ACER2: variants seen among roughly 807,000 people sequenced by gnomAD.
The protein encoded by ACER2 is alkCDase 2.
ACER2 carries 26 observed loss-of-function variants against 34.7 expected under a neutral mutation model. That is an observed-to-expected ratio of 0.75 (90% confidence interval 0.55 to 1.04). The LOEUF is 1.04. Among genes scored for constraint, ACER2 ranks in the 50% least tolerant of loss-of-function variants. The probability of loss-of-function intolerance (pLI) is 0.00; values close to 1 mark genes in which losing one functional copy is unlikely to be tolerated. For synonymous variants in ACER2, 138 were observed against 132.1 expected (o/e 1.04, Z -0.31); for missense variants, 352 against 340.8 (o/e 1.03, Z -0.26).
At chr9:19,420,337 C>T (rs1830366551) in intron 1 of ACER2, among the ~76,000 whole-genome samples, 1 of 152,174 alleles carries the variant, frequency 6.6e-6, no homozygotes. Context: ...AGGACCCCTC[C>T]CACCCCATCC....
At chr9:19,419,377 G>C (rs1339381343) in intron 1 of ACER2, among the ~76,000 whole-genome samples, 4 of 151,874 alleles carry the variant, frequency 2.6e-5, no homozygotes. Context: ...ATACCACCTG[G>C]GACGTCTCAG....
Position 19,429,229 on chromosome 9 carries a change from A to G in ACER2, c.365+4388A>G, listed in dbSNP as rs1286044268. 2.0e-5 allele frequency among the ~76,000 whole-genome samples: 3 copies of G among 152,242 alleles called. No individual in the cohort carries two copies. The East Asian group carries it at 5.8e-4, about 29-fold the overall frequency. ...TGCCTAAAATGTCCTGAGACTCTTTAGGACATATACTGAATTGCTGATGGT... is the reference window on the plus strand; with the variant it reads ...TGCCTAAAATGTCCTGAGACTCTTTGGGACATATACTGAATTGCTGATGGT... On this transcript the variant is annotated intron_variant, in intron 3 of 5. Transcript: ENST00000340967.
In ACER2 at chr9:19,441,543, C is replaced by G. The variant is rs1002525880; in HGVS notation, c.504-4738C>G. ...AGCCCCAGCCCCTTCCTTATTTATGCCATCCCTTTTTCTGGCCCTCTTGCT... is the reference window on the plus strand; with the variant it reads ...AGCCCCAGCCCCTTCCTTATTTATGGCATCCCTTTTTCTGGCCCTCTTGCT... On this transcript the variant is annotated intron_variant, in intron 4 of 5. Coordinates refer to ENST00000340967, the MANE Select transcript of ACER2 (RefSeq NM_001010887.3). Among the ~76,000 whole-genome samples the G allele has an allele frequency of 3.9e-5, 6 of 152,252 alleles. No homozygotes were observed. In the East Asian group the frequency reaches 1.2e-3, roughly 29 times the overall value.
At position 19,409,369 on chromosome 9, in the gene ACER2, C is replaced by T. The variant is rs149897724; in HGVS notation, c.108+177C>T. Among the ~76,000 whole-genome samples, 11 of 152,350 alleles carry T rather than the reference C, an allele frequency of 7.2e-5. No individual in the cohort carries two copies. In the East Asian group the frequency reaches 2.1e-3, roughly 29 times the overall value. ...CTCCTTTCAGTTCTCCATCTGTCCTCCTCTCCTGTCCCCATTCCCGACAGC... is the reference window on the plus strand; with the variant it reads ...CTCCTTTCAGTTCTCCATCTGTCCTTCTCTCCTGTCCCCATTCCCGACAGC... On this transcript the variant is annotated intron_variant, in intron 1 of 5. Transcript: ENST00000340967.
rs1311733069 is a variant in ACER2 at position 19,451,049 on chromosome 9, T to C, written c.*413T>C. On this transcript the variant is annotated 3_prime_UTR_variant, in exon 6 of 6. Transcript: ENST00000340967. ...AAAGTGTCTATTCCTTTCCCAAAGA[T>C]GGAAAATGGAGGGCTTAGGGACACT... is the stretch of plus-strand genomic sequence containing the variant. 1 of 154,664 alleles carries C rather than the reference T, an allele frequency of 6.5e-6. No homozygotes were observed. Among genetic ancestry groups the C allele is most frequent in the Non-Finnish European group, 1.4e-5 (1 of 69,500 alleles). 9.6% of individuals were successfully genotyped at this position (154,664 alleles called of 1,614,324 possible). A position where few individuals can be genotyped will look rare whatever the true frequency, so the allele number is the denominator to read the frequency against.
intron 4 of ACER2, among the ~76,000 whole-genome samples, chr9:19,437,619 C>T (rs183625779): frequency 5.9e-5 from 9 of 152,272 alleles, no homozygotes; most frequent in Admixed American, 5.9e-4. Flanking sequence ...TTTTCTTCCT[C>T]TGTTTCCTTC....
chr9:19,441,251 A>G (rs560489476), intron 4 of ACER2, among the ~76,000 whole-genome samples: 27 of 152,108 alleles, frequency 1.8e-4, no homozygotes, highest in South Asian at 6.2e-4. Flanking sequence ...GGGTTTCACC[A>G]TGTTAGCCAG....
At chr9:19,427,956 A>G (rs907619024) in intron 3 of ACER2, among the ~76,000 whole-genome samples, 2 of 150,814 alleles carry the variant, frequency 1.3e-5, no homozygotes, top group Non-Finnish European at 3.0e-5. Context: ...GTGAGCCATC[A>G]TGCCCTTCCT....
chr9:19,424,219 A>C, intron 2 of ACER2: 1 of 407,974 alleles, frequency 2.5e-6, no homozygotes, highest in Non-Finnish European at 3.3e-6. Flanking sequence ...ATGCCAGTGC[A>C]ATTTTCTGAA....
intron 1 of ACER2, among the ~76,000 whole-genome samples, chr9:19,412,985 C>T (rs1038031436): frequency 7.2e-5 from 11 of 152,158 alleles, no homozygotes; most frequent in South Asian, 4.1e-4. Context: ...GATGTACTTT[C>T]GCAAGCACTA....
At chr9:19,447,240 A>C (rs1831402587) in intron 5 of ACER2, among the ~76,000 whole-genome samples, 1 of 152,182 alleles carries the variant, frequency 6.6e-6, no homozygotes, top group Non-Finnish European at 1.5e-5. Flanking sequence ...CCAGAGAGGA[A>C]TTCTAGTGGT....
chr9:19,442,477 AG>A (rs1831186200), intron 4 of ACER2, among the ~76,000 whole-genome samples: 1 of 152,234 alleles, frequency 6.6e-6, no homozygotes, highest in African/African-American at 2.4e-5. Flanking sequence ...AAGCAGAGAA[AG>A]GTAACAGGCT....
intron 1 of ACER2, among the ~76,000 whole-genome samples, chr9:19,416,599 T>C (rs199928085): frequency 4.7e-5 from 7 of 150,436 alleles, no homozygotes; most frequent in Non-Finnish European, 8.9e-5. Context: ...GATCTCGGCT[T>C]ACTGCAACCT....
At chr9:19,428,870 A>G (rs1004797861) in intron 3 of ACER2, among the ~76,000 whole-genome samples, 9 of 140,160 alleles carry the variant, frequency 6.4e-5, no homozygotes, top group Non-Finnish European at 1.3e-4. Context: ...GCTGACTACA[A>G]CCTCTGCCTC....
At chr9:19,446,239 G>C in intron 4 of ACER2, 42 bp from the exon 5 acceptor site, 1 of 1,614,132 alleles carries the variant, frequency 6.2e-7, no homozygotes, top group South Asian at 1.1e-5. Context: ...AGGAGGTGGA[G>C]ACAAGGTCTG....
chr9:19,440,741 G>A (rs1831128020), intron 4 of ACER2, among the ~76,000 whole-genome samples: 1 of 152,116 alleles, frequency 6.6e-6, no homozygotes, highest in Non-Finnish European at 1.5e-5. Context: ...TACTTCTGTG[G>A]CTTTAATTCC....
At chr9:19,418,375 C>G (rs2132465211) in intron 1 of ACER2, among the ~76,000 whole-genome samples, 1 of 152,270 alleles carries the variant, frequency 6.6e-6, no homozygotes, top group Non-Finnish European at 1.5e-5. Flanking sequence ...ATAAATCATT[C>G]TACTATAAAG....
chr9:19,446,465 A>G lies in ACER2; in HGVS notation c.641+47A>G, dbSNP rs745662434. The G allele has an allele frequency of 2.5e-6, 4 of 1,612,284 alleles. No individual in the cohort carries two copies. In the Admixed American group the frequency reaches 6.7e-5, roughly 27 times the overall value. ...GGTGGCCGGGGACAGGTGTGTTTGCACTTGCTGTTGGGCTCTGTTCACCCT... is the reference window on the plus strand; with the variant it reads ...GGTGGCCGGGGACAGGTGTGTTTGCGCTTGCTGTTGGGCTCTGTTCACCCT... On this transcript the variant is annotated intron_variant, in intron 5 of 5. Coordinates refer to ENST00000340967, the MANE Select transcript of ACER2 (RefSeq NM_001010887.3).
intron 4 of ACER2, among the ~76,000 whole-genome samples, chr9:19,435,997 C>T (rs1830956401): frequency 6.6e-6 from 1 of 150,658 alleles, no homozygotes; most frequent in East Asian, 2.0e-4. Flanking sequence ...TGCAGTGAGC[C>T]GCGATTGTGC....
Sources: gnomAD v4.1 joint callset for allele counts (sites outside exome capture counted in the v4.1 genomes callset) on GRCh38, gnomAD v4.1.1 for gene constraint, MANE v1.5 for transcripts, NCBI Gene and HGNC (gene_info 2026-07-23, HGNC 2026-07-21) for gene names.